Variants in FRZB observed in about 807,000 individuals in gnomAD.
FRZB encodes frizzled related protein.
Under a neutral mutation model 32.5 loss-of-function variants are expected in FRZB, and 34 were observed. The observed-to-expected ratio is 1.05, with a 90% CI of 0.80 to 1.39. The LOEUF (loss-of-function observed/expected upper bound fraction) is 1.39, where lower values mean the gene tolerates loss of function less well. Ranked by LOEUF, FRZB falls within the 40% of genes most tolerant of loss-of-function variation. The pLI is 0.00. For synonymous variants in FRZB, 170 were observed against 159.2 expected (o/e 1.07, Z -0.51); for missense variants, 423 against 424.8 (o/e 1.00, Z 0.04).
rs759725355 is a variant in FRZB at position 182,866,413 on chromosome 2, G to A, written c.140C>T (p.Pro47Leu). ...GTTGGGCATCTTAGTCATGTTCCAG[G>A]GCAGGGACTTGCACAGGGGGATGCG... The part of the protein sequence containing the change: ...PVRIPLCKSL[P>L]WNMTKMPNHL... Residue 47 changes from proline (P) to leucine (L), a missense_variant, in exon 1 of 6, where the codon CCC becomes CTC. Coordinates refer to ENST00000295113, the MANE Select transcript of FRZB (RefSeq NM_001463.4). The surrounding 1 kb of genome is among the most constrained non-coding windows in gnomAD (Gnocchi z 4.5). The A allele has an allele frequency of 7.5e-6, 12 of 1,609,720 alleles. No homozygotes were observed. In the African/African-American group the frequency reaches 1.3e-4, roughly 18 times the overall value.
rs572918546 is a variant in FRZB at position 182,833,306 on chromosome 2, C to G, written c.*1543G>C. ...CTTCATAAGCATTTTATTTTCAGCA[C>G]GCCACAGCTTAGAAATTTGGTTCTA... On this transcript the variant is annotated 3_prime_UTR_variant, in exon 6 of 6. Coordinates refer to ENST00000295113, the MANE Select transcript of FRZB (RefSeq NM_001463.4). 6.6e-6 allele frequency: 1 copy of G among 152,134 alleles called. No homozygotes were observed. Among genetic ancestry groups the G allele is most frequent in the East Asian group, 1.9e-4 (1 of 5,184 alleles). The allele number at this position is 152,134 out of a possible 1,614,324, so 9.4% of individuals were successfully genotyped here.
intron 2 of FRZB, among the ~76,000 whole-genome samples, chr2:182,854,387 G>A (rs565282638): frequency 3.3e-5 from 5 of 152,186 alleles, no homozygotes; most frequent in African/African-American, 4.8e-5. Flanking sequence ...ACTCTAAAAC[G>A]TAATACAAGC....
chr2:182,833,340 A>G lies in FRZB; in HGVS notation c.*1509T>C, dbSNP rs1695486476. ...TTAGAAATTTGGTTCTACTAATAGC[A>G]CACATGTAAATGGCAGAGAATGAAA... is the stretch of plus-strand genomic sequence containing the variant. On this transcript the variant is annotated 3_prime_UTR_variant, in exon 6 of 6. Coordinates refer to ENST00000295113, the MANE Select transcript of FRZB (RefSeq NM_001463.4). 1 of 152,190 alleles carries G rather than the reference A, an allele frequency of 6.6e-6. No homozygotes were observed. Among genetic ancestry groups the G allele is most frequent in the Non-Finnish European group, 1.5e-5 (1 of 68,036 alleles). 9.4% of individuals were successfully genotyped at this position (152,190 alleles called of 1,614,324 possible). A position where few individuals can be genotyped will look rare whatever the true frequency, so the allele number is the denominator to read the frequency against.
intron 1 of FRZB, among the ~76,000 whole-genome samples, chr2:182,859,653 C>T (rs1695808433): frequency 6.6e-6 from 1 of 152,080 alleles, no homozygotes; most frequent in African/African-American, 2.4e-5. Flanking sequence ...TAGTATTCTT[C>T]CTTTGTCCTT....
Position 182,866,525 on chromosome 2 carries a change from G to A in FRZB, c.28C>T (p.Leu10=). The A allele has an allele frequency of 1.3e-6, 2 of 1,483,130 alleles. No homozygotes were observed. The highest frequency in any genetic ancestry group is 2.3e-5 in the Admixed American group (1 of 43,438). 91.9% of individuals were successfully genotyped at this position (1,483,130 alleles called of 1,614,324 possible). The change falls in exon 1 of 6, where the codon CTG becomes TTG. Residue 10 remains leucine, a synonymous_variant. Coordinates refer to ENST00000295113, the MANE Select transcript of FRZB (RefSeq NM_001463.4). The surrounding 1 kb of genome is among the most constrained non-coding windows in gnomAD (Gnocchi z 4.5). MVCGSPGGM[L]LLRAGLLALA... is the part of the protein sequence containing the mutation. The stretch of plus-strand genomic sequence containing the variant: ...GCAAGCAGCCCGGCCCGCAGCAGCA[G>A]CATCCCTCCCGGGCTGCCGCAGACC...
intron 2 of FRZB, among the ~76,000 whole-genome samples, chr2:182,852,398 G>A (rs1304361689): frequency 2.0e-5 from 3 of 152,124 alleles, no homozygotes; most frequent in African/African-American, 7.2e-5. Flanking sequence ...CTCTGGGAGA[G>A]CATCTGACTT....
intron 2 of FRZB, among the ~76,000 whole-genome samples, chr2:182,850,601 C>T (rs11903619): frequency 6.6e-6 from 1 of 152,130 alleles, no homozygotes; most frequent in African/African-American, 2.4e-5. Flanking sequence ...TGCATATATA[C>T]TACATTCTCT....
chr2:182,841,009 T>A (rs566710166), intron 3 of FRZB, among the ~76,000 whole-genome samples: 1 of 152,266 alleles, frequency 6.6e-6, no homozygotes, highest in Non-Finnish European at 1.5e-5. Flanking sequence ...CAGAAAGCAT[T>A]TTTCAATCTT....
At chr2:182,848,642 A>G (rs1183786792) in intron 2 of FRZB, among the ~76,000 whole-genome samples, 1 of 152,052 alleles carries the variant, frequency 6.6e-6, no homozygotes. Flanking sequence ...CAACAGCACA[A>G]CTCCTGCAGA....
chr2:182,855,946 C>G (rs1453790716), intron 2 of FRZB, among the ~76,000 whole-genome samples: 1 of 152,034 alleles, frequency 6.6e-6, no homozygotes, highest in East Asian at 1.9e-4. Context: ...GCAAGACTGC[C>G]AATTTCCCAT....
In FRZB at chr2:182,834,955, A is replaced by G. The variant is rs112094045; in HGVS notation, c.872T>C (p.Met291Thr). Reference protein sequence around the residue: ...RLGKKVKRWDMKLRHLGLSKS... With the variant: ...RLGKKVKRWDTKLRHLGLSKS... ...ACTGAGTCCAAGATGACGAAGCTTC[A>G]TATCCCAGCGCTGTGAAATTTAAAA... The change falls in exon 6 of 6, where the codon ATG (methionine) becomes ACG (threonine). Residue 291 changes from methionine to threonine, a missense_variant. Transcript: ENST00000295113. 6.8e-3 allele frequency: 10,946 copies of G among 1,609,976 alleles called. 47 individuals are homozygous for G. Among genetic ancestry groups the G allele is most frequent in the Non-Finnish European group, 7.8e-3 (9,120 of 1,176,438 alleles).
At chr2:182,854,029 T>C (rs1055135107) in intron 2 of FRZB, among the ~76,000 whole-genome samples, 7 of 152,126 alleles carry the variant, frequency 4.6e-5, no homozygotes, top group African/African-American at 1.7e-4. Flanking sequence ...GCATAGGAAG[T>C]CACATGCATA....
chr2:182,842,354 C>T (rs759157313), intron 3 of FRZB, 124 bp downstream of exon 3: 2 of 706,026 alleles, frequency 2.8e-6, no homozygotes, highest in African/African-American at 1.8e-5. Context: ...TAAAAATAGT[C>T]CTTCTGTTTT....
chr2:182,856,756 C>A (rs1427378075), intron 2 of FRZB, among the ~76,000 whole-genome samples: 1 of 151,890 alleles, frequency 6.6e-6, no homozygotes, highest in Admixed American at 6.6e-5. Context: ...CATCAATTCA[C>A]CAATAAGACA....
intron 1 of FRZB, among the ~76,000 whole-genome samples, chr2:182,859,081 A>G (rs1352243581): frequency 1.3e-5 from 2 of 152,008 alleles, no homozygotes; most frequent in African/African-American, 4.8e-5. Flanking sequence ...AAATTTTAGA[A>G]TTTAATAATT....
intron 1 of FRZB, among the ~76,000 whole-genome samples, chr2:182,863,352 T>C (rs1695855634): frequency 6.6e-6 from 1 of 152,222 alleles, no homozygotes; most frequent in African/African-American, 2.4e-5. Flanking sequence ...GTTATGCAAA[T>C]ATAAAATGTG....
At chr2:182,844,287 C>T (rs1695616248) in intron 2 of FRZB, among the ~76,000 whole-genome samples, 1 of 152,068 alleles carries the variant, frequency 6.6e-6, no homozygotes, top group Non-Finnish European at 1.5e-5. Flanking sequence ...GCTATTTTGA[C>T]AAAAACTATT....
At chr2:182,854,707 G>A (rs1397762287) in intron 2 of FRZB, among the ~76,000 whole-genome samples, 1 of 152,206 alleles carries the variant, frequency 6.6e-6, no homozygotes, top group African/African-American at 2.4e-5. Flanking sequence ...AGGACTTGTA[G>A]TTCCAAAAGA....
chr2:182,837,085 C>T (rs758089187), intron 5 of FRZB, among the ~76,000 whole-genome samples: 5 of 151,346 alleles, frequency 3.3e-5, no homozygotes, highest in Non-Finnish European at 7.4e-5. Flanking sequence ...TCCCCCCACC[C>T]ACCCACACAT....
Sources: allele counts gnomAD v4.1 joint callset (sites outside exome capture counted in the v4.1 genomes callset), GRCh38; gene constraint gnomAD v4.1.1; non-coding constraint Gnocchi (gnomAD v3.1); transcripts MANE v1.5; gene names NCBI Gene and HGNC (gene_info 2026-07-23, HGNC 2026-07-21).